CAPZB: variants seen among roughly 807,000 people sequenced by gnomAD.
The protein encoded by CAPZB is F-actin-capping protein subunit beta.
Under a neutral mutation model 38.1 loss-of-function variants are expected in CAPZB, and 2 were observed. The observed-to-expected ratio is 0.05, with a 90% CI of 0.02 to 0.17. CAPZB has a LOEUF of 0.17. CAPZB is among the 10% of genes least tolerant of loss of function. The probability of loss-of-function intolerance (pLI) is 1.00; values close to 1 mark genes in which losing one functional copy is unlikely to be tolerated. For missense variants in CAPZB, 161 were observed against 334.2 expected (o/e 0.48, Z 4.04); for synonymous variants, 107 against 127.4 (o/e 0.84, Z 1.08).
intron 1 of CAPZB, chr1:19,484,454 C>A: frequency 6.7e-7 from 1 of 1,482,158 alleles, no homozygotes; most frequent in Non-Finnish European, 9.0e-7. Flanking sequence ...TTCGCACGCA[C>A]AGCACCCACG....
intron 1 of CAPZB, among the ~76,000 whole-genome samples, chr1:19,421,145 G>A (rs1323948840): frequency 6.6e-6 from 1 of 152,152 alleles, no homozygotes; most frequent in East Asian, 1.9e-4. Context: ...ATTTTTGGAA[G>A]GCCTAAATCA....
intron 1 of CAPZB, among the ~76,000 whole-genome samples, chr1:19,454,464 TTA>T (rs777128136): frequency 1.3e-5 from 2 of 152,184 alleles, no homozygotes; most frequent in Non-Finnish European, 2.9e-5. Context: ...TTTTGGAAAG[TTA>T]TATAAGAGTC....
intron 8 of CAPZB, among the ~76,000 whole-genome samples, chr1:19,340,026 G>A (rs1001739023): frequency 6.6e-6 from 1 of 152,204 alleles, no homozygotes; most frequent in Admixed American, 6.5e-5. Flanking sequence ...CAGCTACCCT[G>A]GGTTGCTGGC....
At chr1:19,448,536 G>C (rs1386441236) in intron 1 of CAPZB, among the ~76,000 whole-genome samples, 1 of 152,198 alleles carries the variant, frequency 6.6e-6, no homozygotes, top group Admixed American at 6.5e-5. Context: ...CTGTGGACCA[G>C]AGAAAGATGC....
At chr1:19,452,525 T>C (rs2094519874) in intron 1 of CAPZB, among the ~76,000 whole-genome samples, 1 of 152,182 alleles carries the variant, frequency 6.6e-6, no homozygotes, top group African/African-American at 2.4e-5. Context: ...GCTATCCTGG[T>C]GCCAAGGCAG....
intron 2 of CAPZB, among the ~76,000 whole-genome samples, chr1:19,405,049 G>A (rs990231591): frequency 3.9e-5 from 6 of 152,020 alleles, no homozygotes; most frequent in African/African-American, 9.7e-5. Flanking sequence ...GCCACCTGCC[G>A]GGACCACCAG....
At chr1:19,458,670 A>T (rs2094540902) in intron 1 of CAPZB, among the ~76,000 whole-genome samples, 1 of 152,200 alleles carries the variant, frequency 6.6e-6, no homozygotes, top group South Asian at 2.1e-4. Context: ...GCAAGGTTTA[A>T]TAACTTTAGA....
At chr1:19,371,903 C>T (rs1258330521) in intron 4 of CAPZB, among the ~76,000 whole-genome samples, 1 of 152,198 alleles carries the variant, frequency 6.6e-6, no homozygotes, top group Admixed American at 6.5e-5. Context: ...CATCAAATGG[C>T]GGGAAGGAGC....
rs538778186 is a variant in CAPZB, at chr1:19,442,417, A to C, written c.4-22667T>G. Among the ~76,000 whole-genome samples the C allele has an allele frequency of 3.9e-5, 6 of 152,326 alleles. No homozygotes were observed. In the South Asian group the frequency reaches 1.2e-3, roughly 32 times the overall value. ...AGGATAACTGCTGAAGTTGAGTGAC[A>C]GATAATTGGGGGCTCATTATATCAC... is the stretch of plus-strand genomic sequence containing the variant. On this transcript the variant is annotated intron_variant, in intron 1 of 8. Coordinates refer to ENST00000264202, the MANE Select transcript of CAPZB (RefSeq NM_004930.5).
In CAPZB at chr1:19,439,814, T is replaced by C. The variant is rs566289214; in HGVS notation, c.4-20064A>G. Among the ~76,000 whole-genome samples, 6 of 152,308 alleles carry C rather than the reference T, an allele frequency of 3.9e-5. No homozygotes were observed. The East Asian group carries it at 5.8e-4, about 15-fold the overall frequency. On this transcript the variant is annotated intron_variant, in intron 1 of 8. Coordinates refer to ENST00000264202, the MANE Select transcript of CAPZB (RefSeq NM_004930.5). Reference sequence around the variant, plus strand: ...TGCCACTGGATCACTGGGTGCTTAATAGGCGCCAACCATTTCAGAAACCAC... The same window carrying C: ...TGCCACTGGATCACTGGGTGCTTAACAGGCGCCAACCATTTCAGAAACCAC...
chr1:19,451,942 G>T (rs898738347), intron 1 of CAPZB, among the ~76,000 whole-genome samples: 3 of 151,976 alleles, frequency 2.0e-5, no homozygotes, highest in African/African-American at 4.8e-5. Flanking sequence ...GTAATTTACT[G>T]TTTATTATTG....
chr1:19,431,748 T>TA (rs137943703), intron 1 of CAPZB, among the ~76,000 whole-genome samples: 4 of 137,940 alleles, frequency 2.9e-5, no homozygotes, highest in Non-Finnish European at 6.5e-5. Flanking sequence ...AAATAAAAAA[T>TA]AAAAAAAAAG....
chr1:19,343,779 G>A (rs147265492), intron 8 of CAPZB, among the ~76,000 whole-genome samples: 1,714 of 152,340 alleles, frequency 0.011, 12 homozygotes, highest in Middle Eastern at 0.031. Context: ...CTGAGGGCAC[G>A]AGGTGGGAAG....
chr1:19,471,735 C>T (rs971895232), intron 1 of CAPZB, among the ~76,000 whole-genome samples: 13 of 151,974 alleles, frequency 8.6e-5, no homozygotes, highest in South Asian at 2.1e-4. Flanking sequence ...GGCGTGGTGG[C>T]GGGCGCCTGT....
intron 6 of CAPZB, among the ~76,000 whole-genome samples, chr1:19,351,862 G>A (rs370716786): frequency 1.6e-4 from 25 of 152,244 alleles, no homozygotes; most frequent in African/African-American, 5.8e-4. Flanking sequence ...CGGTCCCTTC[G>A]TCTCCTGTTT....
At chr1:19,449,175 G>A in intron 1 of CAPZB, 2 of 1,285,304 alleles carry the variant, frequency 1.6e-6, no homozygotes. Context: ...AAAGTGCACT[G>A]CGGTGTCTCT....
intron 2 of CAPZB, among the ~76,000 whole-genome samples, chr1:19,407,444 G>T (rs762231396): frequency 2.0e-5 from 3 of 152,162 alleles, no homozygotes; most frequent in Non-Finnish European, 4.4e-5. Flanking sequence ...TGGGGAAAAG[G>T]GTACCTGGGG....
chr1:19,428,969 C>A (rs766552050), intron 1 of CAPZB, among the ~76,000 whole-genome samples: 12 of 152,158 alleles, frequency 7.9e-5, no homozygotes, highest in Non-Finnish European at 1.2e-4. Context: ...AGTGATTTGT[C>A]CAGGTCATCA....
intron 1 of CAPZB, among the ~76,000 whole-genome samples, chr1:19,442,085 A>T (rs1178483759): frequency 6.6e-6 from 1 of 151,546 alleles, no homozygotes; most frequent in African/African-American, 2.4e-5. Context: ...CCAAATGCTG[A>T]AAGATGAAGG....
Sources: gnomAD v4.1 joint callset for allele counts (sites outside exome capture counted in the v4.1 genomes callset) on GRCh38, gnomAD v4.1.1 for gene constraint, MANE v1.5 for transcripts, NCBI Gene and HGNC (gene_info 2026-07-23, HGNC 2026-07-21) for gene names.